PTPRN2: variants seen among roughly 807,000 people sequenced by gnomAD.
PTPRN2 encodes the protein receptor-type tyrosine-protein phosphatase N2.
PTPRN2 carries 74 observed loss-of-function variants against 118.8 expected under a neutral mutation model. That is an observed-to-expected ratio of 0.62 (90% CI 0.52 to 0.76). The LOEUF (loss-of-function observed/expected upper bound fraction) is 0.76. PTPRN2 is among the 30% of genes least tolerant of loss of function. PTPRN2 has a pLI of 0.00. For missense variants in PTPRN2, 1,481 were observed against 1,394.4 expected (o/e 1.06, Z -0.99); for synonymous variants, 641 against 608.0 (o/e 1.05, Z -0.80).
At chr7:158,195,618 TTTA>T (rs961695692) in intron 4 of PTPRN2, among the ~76,000 whole-genome samples, 2 of 116,280 alleles carry the variant, frequency 1.7e-5, no homozygotes, top group Non-Finnish European at 3.5e-5. Flanking sequence ...ACTGGTGTTT[TTTA>T]TTTTTTTTTA....
intron 12 of PTPRN2, among the ~76,000 whole-genome samples, chr7:157,782,968 G>T (rs1030111662): frequency 2.0e-5 from 3 of 152,178 alleles, no homozygotes; most frequent in Non-Finnish European, 4.4e-5. Flanking sequence ...CCACATGTTG[G>T]GGGAGTGACC....
chr7:157,730,057 T>C (rs1453423355), intron 12 of PTPRN2, among the ~76,000 whole-genome samples: 1 of 152,148 alleles, frequency 6.6e-6, no homozygotes, highest in Non-Finnish European at 1.5e-5. Context: ...TTTTATACAA[T>C]AACGATATGG....
chr7:158,381,745 G>A (rs1810979803), intron 2 of PTPRN2, among the ~76,000 whole-genome samples: 2 of 152,146 alleles, frequency 1.3e-5, no homozygotes, highest in African/African-American at 4.8e-5. Context: ...CCGAGACTGG[G>A]TAATTTATAC....
intron 5 of PTPRN2, among the ~76,000 whole-genome samples, chr7:158,188,863 A>C (rs149401728): frequency 6.6e-6 from 1 of 152,272 alleles, no homozygotes; most frequent in East Asian, 1.9e-4. Flanking sequence ...GAATGGAAAG[A>C]CTTCAGTAAA....
At chr7:158,110,447 C>G (rs966101595) in intron 10 of PTPRN2, among the ~76,000 whole-genome samples, 4 of 152,230 alleles carry the variant, frequency 2.6e-5, no homozygotes, top group Non-Finnish European at 5.9e-5. Flanking sequence ...ATTTTCCTGA[C>G]AGCCAGGGAC....
intron 4 of PTPRN2, among the ~76,000 whole-genome samples, chr7:158,196,089 G>T (rs577879868): frequency 2.0e-5 from 3 of 152,188 alleles, no homozygotes; most frequent in Admixed American, 6.5e-5. Context: ...AGGTTTGCAA[G>T]TCTTGATAGG....
intron 9 of PTPRN2, among the ~76,000 whole-genome samples, chr7:158,111,821 T>A (rs1162617674): frequency 6.6e-6 from 1 of 152,030 alleles, no homozygotes; most frequent in Non-Finnish European, 1.5e-5. Context: ...CACCTAAAAA[T>A]TCATATGTTG....
chr7:158,169,457 T>TG (rs1554570797), intron 5 of PTPRN2, among the ~76,000 whole-genome samples: 2 of 150,382 alleles, frequency 1.3e-5, no homozygotes, highest in Non-Finnish European at 1.5e-5. Flanking sequence ...TGTGTGTGTG[T>TG]TTTAGTAGAA....
intron 11 of PTPRN2, among the ~76,000 whole-genome samples, chr7:157,955,312 CAG>C (rs1329893972): frequency 6.6e-6 from 1 of 151,928 alleles, no homozygotes; most frequent in Non-Finnish European, 1.5e-5. Context: ...CCAAGGAACA[CAG>C]GGGAGGGTAC....
At chr7:158,245,749 G>C (rs1449195295) in intron 3 of PTPRN2, among the ~76,000 whole-genome samples, 2 of 152,186 alleles carry the variant, frequency 1.3e-5, no homozygotes, top group Non-Finnish European at 2.9e-5. Context: ...GTGGCTGTGT[G>C]AACAGGTGAG....
chr7:157,821,353 T>A (rs80089110), intron 12 of PTPRN2, among the ~76,000 whole-genome samples: 1 of 152,260 alleles, frequency 6.6e-6, no homozygotes, highest in South Asian at 2.1e-4. Context: ...ATTCACTCCA[T>A]GGCTGCCATT....
In PTPRN2 at chr7:157,609,407, A is replaced by T. The variant is rs928817429; in HGVS notation, c.2345-5332T>A. Among the ~76,000 whole-genome samples the T allele has an allele frequency of 2.2e-4, 33 of 151,900 alleles. No homozygotes were observed. Among genetic ancestry groups the T allele is most frequent in the East Asian group, 3.9e-4 (2 of 5,172 alleles). On this transcript the variant is annotated intron_variant, in intron 15 of 22. Transcript: ENST00000389418. The surrounding 1 kb of genome is among the most constrained non-coding windows in gnomAD (Gnocchi z 4.9). ...TCAAAAAAATTTTTTTTTAAATATA[A>T]AAAAAAAGAGTATTTCAAATTTCTC...
chr7:158,456,845 A>T (rs558762667), intron 2 of PTPRN2, among the ~76,000 whole-genome samples: 55 of 151,916 alleles, frequency 3.6e-4, no homozygotes, highest in Non-Finnish European at 6.5e-4. Flanking sequence ...CACAATCACG[A>T]CTCACTGCAG....
At chr7:158,362,669 G>A (rs1809083669) in intron 2 of PTPRN2, among the ~76,000 whole-genome samples, 1 of 149,240 alleles carries the variant, frequency 6.7e-6, no homozygotes, top group South Asian at 2.2e-4. Flanking sequence ...AACTGGATGT[G>A]CGTATAAAAC....
At chr7:158,536,565 T>C (rs1294022879) in intron 1 of PTPRN2, among the ~76,000 whole-genome samples, 1 of 144,552 alleles carries the variant, frequency 6.9e-6, no homozygotes, top group African/African-American at 2.6e-5. Context: ...CAGCCCACCA[T>C]CACCGAGACG....
chr7:157,727,084 G>A (rs1200037690), intron 12 of PTPRN2, among the ~76,000 whole-genome samples: 1 of 152,228 alleles, frequency 6.6e-6, no homozygotes, highest in East Asian at 1.9e-4. Context: ...GTTCCTCAGA[G>A]TTAGAAATGG....
At chr7:158,467,652 C>A (rs1819490435) in intron 2 of PTPRN2, among the ~76,000 whole-genome samples, 1 of 152,148 alleles carries the variant, frequency 6.6e-6, no homozygotes, top group Non-Finnish European at 1.5e-5. Context: ...CCATTTCATT[C>A]TTTTGAGTGT....
intron 3 of PTPRN2, among the ~76,000 whole-genome samples, chr7:158,249,097 C>T (rs1209628938): frequency 6.6e-6 from 1 of 151,450 alleles, no homozygotes; most frequent in Non-Finnish European, 1.5e-5. Flanking sequence ...CACATATGCA[C>T]ACATCACACA....
At chr7:158,060,288 A>C (rs1430447975) in intron 11 of PTPRN2, among the ~76,000 whole-genome samples, 1 of 137,618 alleles carries the variant, frequency 7.3e-6, no homozygotes, top group Non-Finnish European at 1.5e-5. Context: ...ACAGTGACAC[A>C]TCACTGCAGC....
Sources: allele counts gnomAD v4.1 joint callset (sites outside exome capture counted in the v4.1 genomes callset), GRCh38; gene constraint gnomAD v4.1.1; non-coding constraint Gnocchi (gnomAD v3.1); transcripts MANE v1.5; gene names NCBI Gene and HGNC (gene_info 2026-07-23, HGNC 2026-07-21).